RADIL: variants seen among roughly 807,000 people sequenced by gnomAD.
RADIL encodes the protein Rap associating with DIL domain, also known as ras-associating and dilute domain-containing protein.
Under a neutral mutation model 97.6 loss-of-function variants are expected in RADIL, and 99 were observed. The ratio of observed to expected loss-of-function variants is 1.01; its 90% CI spans 0.86 to 1.20. RADIL has a LOEUF of 1.20. Among genes scored for constraint, RADIL ranks in the 50% most tolerant of loss-of-function variants. RADIL has a pLI of 0.00. For synonymous variants in RADIL, 803 were observed against 691.8 expected, an observed-to-expected ratio of 1.16 and a Z score of -2.52; for missense variants, 1,765 against 1,498.9, an observed-to-expected ratio of 1.18 and a Z score of -2.93.
intron 2 of RADIL, among the ~76,000 whole-genome samples, chr7:4,857,520 C>T (rs1258909815): frequency 6.6e-6 from 1 of 152,072 alleles, no homozygotes; most frequent in Non-Finnish European, 1.5e-5. Context: ...CCCTTTCTTT[C>T]CTGCCTTCTT....
chr7:4,799,360 GGTGTCCTC>G lies in RADIL; in HGVS notation c.*10_*17del, dbSNP rs1293052417. On this transcript the variant is annotated 3_prime_UTR_variant, in exon 15 of 15. Transcript: ENST00000399583. ...TGGGACCGGGTGCCGGGCCTGTGGG[GGTGTCCTC>G]GCAGCCCCCCTAGAGAGGGGGCGTG... 4 of 1,611,938 alleles carry G rather than the reference GGTGTCCTC, an allele frequency of 2.5e-6. No individual in the cohort carries two copies. Among genetic ancestry groups the G allele is most frequent in the Admixed American group, 1.7e-5 (1 of 60,002 alleles).
At chr7:4,881,219 T>C (rs529670532) in intron 1 of RADIL, among the ~76,000 whole-genome samples, 1 of 132,436 alleles carries the variant, frequency 7.6e-6, no homozygotes, top group South Asian at 2.8e-4. Flanking sequence ...ATCGAGACCA[T>C]CCTGGCTAAC....
In RADIL at chr7:4,834,914, G is replaced by T; in HGVS notation, c.1109C>A (p.Ala370Glu). 6.5e-7 allele frequency: 1 copy of T among 1,546,226 alleles called. No individual in the cohort carries two copies. Among genetic ancestry groups the T allele is most frequent in the East Asian group, 2.3e-5 (1 of 43,018 alleles). ...QAQPLPARAL[A>E]RLRAVPQSCR... ...GCTCTGCGGCACAGCCCGGAGGCGC[G>T]CCAAGGCCCGGGCGGGCAGGGGCTG... is the stretch of plus-strand genomic sequence containing the variant. Residue 370 changes from alanine to glutamate, a missense_variant, in exon 4 of 15, where the codon GCG (alanine) becomes GAG (glutamate). Coordinates refer to ENST00000399583, the MANE Select transcript of RADIL (RefSeq NM_018059.5). The surrounding 1 kb of genome is among the most constrained non-coding windows in gnomAD (Gnocchi z 6.0).
chr7:4,805,765 C>T, intron 9 of RADIL, 49 bp from the exon 10 acceptor site: 2 of 1,569,806 alleles, frequency 1.3e-6, no homozygotes, highest in Non-Finnish European at 1.7e-6. Flanking sequence ...GGTGCAGACC[C>T]CAGCCCAAAG....
intron 6 of RADIL, among the ~76,000 whole-genome samples, chr7:4,820,103 C>T (rs768121078): frequency 1.3e-5 from 2 of 152,190 alleles, no homozygotes; most frequent in African/African-American, 2.4e-5. Context: ...CTGTGGGGGC[C>T]GGAACAAAAG....
rs1782736078 is a variant in RADIL at position 4,818,410 on chromosome 7, C to T, written c.1616-1059G>A. ...TTTCGCTCTGCCGCTCCTGGTGCTC[C>T]TCCTTCAGGGGCTTGGGGCTGCCTG... On this transcript the variant is annotated intron_variant, in intron 6 of 14. Transcript: ENST00000399583. This position sits in a 1 kb window ranked among gnomAD's most constrained non-coding sequence, Gnocchi z 7.1. Among the ~76,000 whole-genome samples, 3 of 152,228 alleles carry T rather than the reference C, an allele frequency of 2.0e-5. No individual in the cohort carries two copies.
chr7:4,812,584 G>A (rs542496962), intron 9 of RADIL, among the ~76,000 whole-genome samples: 1 of 152,188 alleles, frequency 6.6e-6, no homozygotes, highest in East Asian at 1.9e-4. Flanking sequence ...ACCACGCCCA[G>A]CTAATTTTTG....
chr7:4,803,986 G>A (rs1782206808), intron 10 of RADIL: 1 of 614,728 alleles, frequency 1.6e-6, no homozygotes, highest in East Asian at 2.9e-5. Flanking sequence ...GTTCAGGACT[G>A]AGAACAAGGC....
chr7:4,866,738 C>G (rs924238163), intron 2 of RADIL, among the ~76,000 whole-genome samples: 2 of 152,154 alleles, frequency 1.3e-5, no homozygotes, highest in African/African-American at 4.8e-5. Flanking sequence ...ACAGTCAGTG[C>G]TATGGTTTGG....
Position 4,880,494 on chromosome 7 carries a change from C to A in RADIL, c.-64-2291G>T, listed in dbSNP as rs558773842. Among the ~76,000 whole-genome samples, 1 of 152,294 alleles carries A rather than the reference C, an allele frequency of 6.6e-6. No individual in the cohort carries two copies. The highest frequency in any genetic ancestry group is 6.5e-5 in the Admixed American group (1 of 15,296). On this transcript the variant is annotated intron_variant, in intron 1 of 14. Coordinates refer to ENST00000399583, the MANE Select transcript of RADIL (RefSeq NM_018059.5). The surrounding 1 kb of genome is among the most constrained non-coding windows in gnomAD (Gnocchi z 4.5). ...GTACTTGGAATCACAGAACAAAACC[C>A]CTCAAAGAGCCTCTCCAGCCGGCAC...
intron 2 of RADIL, chr7:4,860,198 G>A (rs555014044): frequency 1.2e-6 from 2 of 1,614,038 alleles, no homozygotes; most frequent in African/African-American, 1.3e-5. Context: ...GCTAGTAGAT[G>A]AAGGCACAGA....
At chr7:4,874,380 G>T (rs1017532427) in intron 2 of RADIL, among the ~76,000 whole-genome samples, 7 of 152,230 alleles carry the variant, frequency 4.6e-5, no homozygotes, top group African/African-American at 1.7e-4. Flanking sequence ...GGACCCCCTG[G>T]GTCTAGCCTT....
Position 4,808,681 on chromosome 7 carries a change from G to A in RADIL, c.2140-2965C>T, listed in dbSNP as rs1439854624. On this transcript the variant is annotated intron_variant, in intron 9 of 14. Transcript: ENST00000399583. ...CTCCGCGTCCCCTTCCGACGCCACT[G>A]CCCCCGTTCCAACGCCACTGCCCCT... is the stretch of plus-strand genomic sequence containing the variant. The A allele has an allele frequency of 1.2e-5, 10 of 836,728 alleles. No homozygotes were observed. The African/African-American group carries it at 2.1e-4, about 17-fold the overall frequency. 51.8% of individuals were successfully genotyped at this position (836,728 alleles called of 1,614,324 possible). A position where few individuals can be genotyped will look rare whatever the true frequency, so the allele number is the denominator to read the frequency against.
intron 4 of RADIL, among the ~76,000 whole-genome samples, chr7:4,832,616 A>G (rs376713670): frequency 6.6e-6 from 1 of 151,782 alleles, no homozygotes; most frequent in Non-Finnish European, 1.5e-5. Flanking sequence ...GCGCATGCCT[A>G]TAATCCCAGC....
intron 4 of RADIL, among the ~76,000 whole-genome samples, chr7:4,832,666 G>C (rs1190290732): frequency 6.6e-6 from 1 of 150,680 alleles, no homozygotes; most frequent in Non-Finnish European, 1.5e-5. Context: ...TTGAACCTGG[G>C]AGGCAGAGGT....
chr7:4,876,483 T>A (rs527839559), intron 2 of RADIL, among the ~76,000 whole-genome samples: 59 of 152,190 alleles, frequency 3.9e-4, no homozygotes, highest in African/African-American at 1.4e-3. Context: ...GTATTTTTAG[T>A]AGATACGGGG....
Position 4,883,355 on chromosome 7 carries a change from C to G in RADIL, c.-65+241G>C, listed in dbSNP as rs900461005. Among the ~76,000 whole-genome samples the G allele has an allele frequency of 1.3e-5, 2 of 152,114 alleles. No individual in the cohort carries two copies. The highest frequency in any genetic ancestry group is 1.3e-4 in the Admixed American group (2 of 15,278). On this transcript the variant is annotated intron_variant, in intron 1 of 14. Coordinates refer to ENST00000399583, the MANE Select transcript of RADIL (RefSeq NM_018059.5). This position sits in a 1 kb window ranked among gnomAD's most constrained non-coding sequence, Gnocchi z 7.1. ...GACCCCCGGATCCCCGCAGGCTGGG[C>G]CGCCCTTGCCCGCGCTAGCCGGCCT... is the stretch of plus-strand genomic sequence containing the variant.
Position 4,863,811 on chromosome 7 carries a change from A to T in RADIL, c.535+13794T>A, listed in dbSNP as rs1412321087. ...TCTCAATTCTAACTCCCTACCTTTT[A>T]AGGTCCCAAGAGCTTTCTGTCTCTT... On this transcript the variant is annotated intron_variant, in intron 2 of 14. Transcript: ENST00000399583. 4.6e-5 allele frequency among the ~76,000 whole-genome samples: 7 copies of T among 152,314 alleles called. No homozygotes were observed. The East Asian group carries it at 1.4e-3, about 29-fold the overall frequency.
In RADIL at chr7:4,818,789, G is replaced by C. The variant is rs1297554352; in HGVS notation, c.1616-1438C>G. On this transcript the variant is annotated intron_variant, in intron 6 of 14. Coordinates refer to ENST00000399583, the MANE Select transcript of RADIL (RefSeq NM_018059.5). The surrounding 1 kb of genome is among the most constrained non-coding windows in gnomAD (Gnocchi z 7.1). ...CAGCCCCACATCACTCCCTGGGCAGGGGCGGGGCACTGGTGGGAAGAGGGA... is the reference window on the plus strand; with the variant it reads ...CAGCCCCACATCACTCCCTGGGCAGCGGCGGGGCACTGGTGGGAAGAGGGA... Among the ~76,000 whole-genome samples, 1 of 152,174 alleles carries C rather than the reference G, an allele frequency of 6.6e-6. No individual in the cohort carries two copies. The highest frequency in any genetic ancestry group is 2.4e-5 in the African/African-American group (1 of 41,438).
Sources: gnomAD v4.1 joint callset for allele counts (sites outside exome capture counted in the v4.1 genomes callset) on GRCh38, gnomAD v4.1.1 for gene constraint, Gnocchi (gnomAD v3.1) non-coding constraint, MANE v1.5 for transcripts, NCBI Gene and HGNC (gene_info 2026-07-23, HGNC 2026-07-21) for gene names.